Variants in ZNF33B observed in about 807,000 individuals in gnomAD.
The protein encoded by ZNF33B is zinc finger protein 33B.
In ZNF33B, 29 loss-of-function variants were observed where a neutral mutation model predicts 45.8. That is an observed-to-expected ratio of 0.63 (90% CI 0.47 to 0.86). The LOEUF is 0.86. ZNF33B is among the 40% of genes least tolerant of loss of function. The pLI is 0.00. For synonymous variants in ZNF33B, 305 were observed against 307.8 expected, an observed-to-expected ratio of 0.99 and a Z score of 0.10; for missense variants, 831 against 909.9, an observed-to-expected ratio of 0.91 and a Z score of 1.12.
intron 4 of ZNF33B, among the ~76,000 whole-genome samples, chr10:42,617,091 TC>T (rs1374484495): frequency 6.6e-5 from 8 of 120,470 alleles, no homozygotes; most frequent in Non-Finnish European, 1.1e-4. Context: ...TCATTTTTTC[TC>T]TTTTTTTTTT....
chr10:42,578,448 T>G (rs1178451108), intron 1 of ZNF33B: 1 of 152,622 alleles, frequency 6.6e-6, no homozygotes, highest in Non-Finnish European at 1.5e-5. Flanking sequence ...ATGATGCAAC[T>G]GTCCCCTCTT....
At chr10:42,628,828 G>A (rs550615954) in intron 4 of ZNF33B, among the ~76,000 whole-genome samples, 1 of 152,152 alleles carries the variant, frequency 6.6e-6, no homozygotes, top group Non-Finnish European at 1.5e-5. Flanking sequence ...AGTTTCACAG[G>A]AACCAAAAGT....
rs1271943193 is a variant in ZNF33B, at chr10:42,598,138, A to C, written c.251-3439T>G. Among the ~76,000 whole-genome samples, 3 of 143,976 alleles carry C rather than the reference A, an allele frequency of 2.1e-5. No individual in the cohort carries two copies. The East Asian group carries it at 6.2e-4, about 30-fold the overall frequency. The allele number at this position is 143,976 out of a possible 152,430, so 94.5% of individuals were successfully genotyped here. On this transcript the variant is annotated intron_variant, in intron 4 of 4. Coordinates refer to ENST00000359467, the MANE Select transcript of ZNF33B (RefSeq NM_006955.3). ...GTTGCAGCAGTTCTTAACACCAGAG[A>C]ATCTACACTCCAAAGAATTCTAGTA...
chr10:42,604,725 C>T (rs1219188271), intron 4 of ZNF33B, among the ~76,000 whole-genome samples: 1 of 151,974 alleles, frequency 6.6e-6, no homozygotes, highest in Non-Finnish European at 1.5e-5. Context: ...ACCAGCCTGA[C>T]CAACATGGTG....
intron 4 of ZNF33B, among the ~76,000 whole-genome samples, chr10:42,611,483 T>C (rs1009738195): frequency 1.3e-5 from 2 of 152,208 alleles, no homozygotes. Flanking sequence ...CAGGTCTACA[T>C]TTAAAAGCCA....
chr10:42,595,731 T>C (rs1033306219), intron 4 of ZNF33B, among the ~76,000 whole-genome samples: 2 of 152,156 alleles, frequency 1.3e-5, no homozygotes, highest in Non-Finnish European at 1.5e-5. Context: ...ACTGGTCATA[T>C]GCACAGAGAA....
At chr10:42,621,197 C>T (rs1838567028) in intron 4 of ZNF33B, among the ~76,000 whole-genome samples, 3 of 149,648 alleles carry the variant, frequency 2.0e-5, no homozygotes, top group African/African-American at 7.4e-5. Context: ...GCATAGTGGG[C>T]ATGGTGGTAT....
chr10:42,592,667 C>T lies in ZNF33B; in HGVS notation c.2283G>A (p.Lys761=). 6.2e-7 allele frequency: 1 copy of T among 1,613,984 alleles called. No individual in the cohort carries two copies. Among genetic ancestry groups the T allele is most frequent in the East Asian group, 2.2e-5 (1 of 44,860 alleles). ...CNTCRKTFSQ[K]SNLIVHQRTH... ...TTCTCTGATGTACAATGAGATTTGA[C>T]TTTTGAGAGAAGGTTTTCCTGCATG... Residue 761 remains lysine (K), a synonymous_variant, in exon 5 of 5, where the codon AAG becomes AAA. Transcript: ENST00000359467.
chr10:42,575,711 A>AATATAT (rs141485546), intron 1 of ZNF33B, among the ~76,000 whole-genome samples: 8,183 of 143,394 alleles, frequency 0.057, 308 homozygotes, highest in Admixed American at 0.12. Context: ...ACTGCATAAT[A>AATATAT]ATATATATAT....
chr10:42,634,737 G>A (rs1334524564), intron 2 of ZNF33B, among the ~76,000 whole-genome samples: 1 of 152,192 alleles, frequency 6.6e-6, no homozygotes, highest in African/African-American at 2.4e-5. Flanking sequence ...TGAAAAACAG[G>A]AATCTGACAT....
intron 4 of ZNF33B, among the ~76,000 whole-genome samples, chr10:42,600,053 C>T (rs1388352794): frequency 1.3e-5 from 2 of 152,034 alleles, no homozygotes; most frequent in Non-Finnish European, 2.9e-5. Context: ...GGAGAAAATA[C>T]TCTATATGAC....
intron 4 of ZNF33B, among the ~76,000 whole-genome samples, chr10:42,608,322 G>C (rs1837951096): frequency 1.3e-5 from 2 of 152,118 alleles, no homozygotes; most frequent in South Asian, 4.1e-4. Context: ...CATGGAAACA[G>C]AAGATATAGA....
intron 1 of ZNF33B, among the ~76,000 whole-genome samples, chr10:42,583,939 T>G (rs1347110619): frequency 6.6e-6 from 1 of 152,216 alleles, no homozygotes; most frequent in Non-Finnish European, 1.5e-5. Context: ...GTGAATTCCC[T>G]GGCAGCCCCA....
chr10:42,637,802 G>A (rs1037021679), intron 1 of ZNF33B, among the ~76,000 whole-genome samples: 16 of 152,040 alleles, frequency 1.1e-4, no homozygotes, highest in East Asian at 5.8e-4. Context: ...ACAGTCATAG[G>A]CCACCACGCA....
chr10:42,602,947 C>T (rs1240429431), intron 4 of ZNF33B, among the ~76,000 whole-genome samples: 3 of 152,166 alleles, frequency 2.0e-5, no homozygotes, highest in Non-Finnish European at 2.9e-5. Flanking sequence ...TGCAAGCCAC[C>T]AGTGCTCCTC....
intron 4 of ZNF33B, 63 bp from the exon 5 acceptor site, chr10:42,594,762 C>A: frequency 6.7e-7 from 1 of 1,493,454 alleles, no homozygotes; most frequent in Non-Finnish European, 8.9e-7. Context: ...GGAATGAAAT[C>A]TCTACACAAA....
chr10:42,593,831 A>G lies in ZNF33B; in HGVS notation c.1119T>C (p.Thr373=). 2 of 1,614,054 alleles carry G rather than the reference A, an allele frequency of 1.2e-6. No individual in the cohort carries two copies. Among genetic ancestry groups the G allele is most frequent in the East Asian group, 4.5e-5 (2 of 44,868 alleles). ...CCCCTGTGTGTGATCTCTGATGTTT[A>G]GTGAGGTTTGACTTCTCCCAGAAAG... The part of the protein sequence containing the change: ...GKTFWEKSNL[T]KHQRSHTGEK... The change falls in exon 5 of 5, where the codon ACT becomes ACC. Residue 373 remains threonine (T), a synonymous_variant. Transcript: ENST00000359467.
At chr10:42,598,188 T>C (rs145513351) in intron 4 of ZNF33B, among the ~76,000 whole-genome samples, 1,865 of 152,334 alleles carry the variant, frequency 0.012, 50 homozygotes, top group African/African-American at 0.042. Flanking sequence ...CTTAACACAA[T>C]GTCCACAAGT....
intron 1 of ZNF33B, chr10:42,579,930 T>C (rs1412694983): frequency 1.3e-5 from 2 of 154,344 alleles, no homozygotes; most frequent in African/African-American, 4.8e-5. Flanking sequence ...CAGTCTCCAA[T>C]CATACCATGT....
Sources: gnomAD v4.1 joint callset for allele counts (sites outside exome capture counted in the v4.1 genomes callset) on GRCh38, gnomAD v4.1.1 for gene constraint, MANE v1.5 for transcripts, NCBI Gene and HGNC (gene_info 2026-07-23, HGNC 2026-07-21) for gene names.